Variants in KCNIP1 observed in about 807,000 individuals in gnomAD.
KCNIP1 encodes the protein A-type potassium channel modulatory protein KCNIP1.
Under a neutral mutation model 33.0 loss-of-function variants are expected in KCNIP1, and 18 were observed. The observed-to-expected ratio is 0.55, with a 90% CI of 0.38 to 0.81. The LOEUF is 0.81. Among genes scored for constraint, KCNIP1 ranks in the 30% least tolerant of loss-of-function variants. The pLI is 0.00. For synonymous variants in KCNIP1, 93 were observed against 98.3 expected (o/e 0.95, Z 0.32); for missense variants, 238 against 271.6 (o/e 0.88, Z 0.87).
At chr5:170,460,111 A>T (rs1414461705) in intron 1 of KCNIP1, among the ~76,000 whole-genome samples, 2 of 152,170 alleles carry the variant, frequency 1.3e-5, no homozygotes, top group Non-Finnish European at 2.9e-5. Context: ...AAATTCCTGG[A>T]TAGATACAAC....
intron 1 of KCNIP1, among the ~76,000 whole-genome samples, chr5:170,609,839 A>C (rs953196073): frequency 1.1e-4 from 16 of 152,228 alleles, no homozygotes; most frequent in South Asian, 6.2e-4. Flanking sequence ...CCTGGATGAC[A>C]GAACAAGATC....
intron 1 of KCNIP1, among the ~76,000 whole-genome samples, chr5:170,552,539 G>T (rs1271693531): frequency 6.6e-6 from 1 of 152,192 alleles, no homozygotes; most frequent in Non-Finnish European, 1.5e-5. Context: ...GGTGGCGTTT[G>T]TGTTCGGGCT....
intron 1 of KCNIP1, chr5:170,378,903 T>C: frequency 6.2e-7 from 1 of 1,614,210 alleles, no homozygotes; most frequent in South Asian, 1.1e-5. Context: ...CTCTTGGAAT[T>C]TGGCTCTGAC....
chr5:170,677,621 A>G (rs1385416179), intron 1 of KCNIP1, among the ~76,000 whole-genome samples: 1 of 152,164 alleles, frequency 6.6e-6, no homozygotes, highest in African/African-American at 2.4e-5. Context: ...GACCATGGCC[A>G]GTATTCATTT....
chr5:170,688,391 T>C (rs1762612744), intron 1 of KCNIP1, among the ~76,000 whole-genome samples: 1 of 152,202 alleles, frequency 6.6e-6, no homozygotes, highest in Non-Finnish European at 1.5e-5. Context: ...TTTTGGTACA[T>C]TTAGGTTGTT....
intron 1 of KCNIP1, among the ~76,000 whole-genome samples, chr5:170,555,583 G>T (rs961786892): frequency 1.3e-5 from 2 of 152,064 alleles, no homozygotes; most frequent in African/African-American, 4.8e-5. Flanking sequence ...TGTGGCTCAG[G>T]GAGAGCACAC....
intron 1 of KCNIP1, among the ~76,000 whole-genome samples, chr5:170,686,911 C>T (rs1213007407): frequency 1.3e-5 from 2 of 152,130 alleles, no homozygotes; most frequent in Non-Finnish European, 2.9e-5. Context: ...CTCCTCTCTA[C>T]CTTGCCCTGC....
At chr5:170,481,290 A>G (rs1267344362) in intron 1 of KCNIP1, among the ~76,000 whole-genome samples, 4 of 152,168 alleles carry the variant, frequency 2.6e-5, no homozygotes, top group African/African-American at 9.7e-5. Flanking sequence ...ACTCAGGACA[A>G]CCCTTCCAAA....
At chr5:170,506,678 G>A (rs944294224) in intron 1 of KCNIP1, among the ~76,000 whole-genome samples, 1 of 152,196 alleles carries the variant, frequency 6.6e-6, no homozygotes, top group Non-Finnish European at 1.5e-5. Context: ...ATAATGCTCG[G>A]TGTTTTATCA....
chr5:170,503,544 G>C (rs1463565801), upstream of KCNIP1, among the ~76,000 whole-genome samples: 2 of 152,028 alleles, frequency 1.3e-5, no homozygotes, highest in East Asian at 1.9e-4. Flanking sequence ...GGAGCAGGAC[G>C]GCACCTTCTT....
chr5:170,693,372 G>T (rs1001110240), intron 1 of KCNIP1, among the ~76,000 whole-genome samples: 1 of 152,202 alleles, frequency 6.6e-6, no homozygotes, highest in African/African-American at 2.4e-5. Context: ...AGATGGGAGG[G>T]AAATGAAATA....
intron 1 of KCNIP1, among the ~76,000 whole-genome samples, chr5:170,600,262 G>C (rs1370535623): frequency 6.6e-6 from 1 of 152,156 alleles, no homozygotes; most frequent in East Asian, 1.9e-4. Context: ...CTCACCTTAA[G>C]TTTCTCACCA....
At chr5:170,732,177 C>T (rs1177647138) in intron 5 of KCNIP1, among the ~76,000 whole-genome samples, 1 of 152,232 alleles carries the variant, frequency 6.6e-6, no homozygotes, top group East Asian at 1.9e-4. Context: ...CCAGGTCAAA[C>T]ATCCCAAATG....
intron 1 of KCNIP1, among the ~76,000 whole-genome samples, chr5:170,669,161 A>G (rs1432121434): frequency 6.6e-6 from 1 of 152,226 alleles, no homozygotes; most frequent in Admixed American, 6.5e-5. Context: ...GGTGATCTCT[A>G]TTGAATGAAC....
At chr5:170,447,199 G>C (rs1451767362) in intron 1 of KCNIP1, among the ~76,000 whole-genome samples, 3 of 152,162 alleles carry the variant, frequency 2.0e-5, no homozygotes, top group African/African-American at 4.8e-5. Context: ...AGCTCCTACT[G>C]CAAGAGAGAG....
intron 1 of KCNIP1, among the ~76,000 whole-genome samples, chr5:170,462,749 G>A (rs901091324): frequency 7.9e-5 from 12 of 152,064 alleles, no homozygotes; most frequent in Admixed American, 3.3e-4. Context: ...ATAAAGCAAC[G>A]AGTGGATATA....
intron 1 of KCNIP1, among the ~76,000 whole-genome samples, chr5:170,429,477 G>A: frequency 6.6e-6 from 1 of 151,966 alleles, no homozygotes; most frequent in East Asian, 1.9e-4. Context: ...AATTCTTGTT[G>A]TACAAATTTA....
At chr5:170,621,170 T>A (rs930792796) in intron 1 of KCNIP1, among the ~76,000 whole-genome samples, 1 of 152,330 alleles carries the variant, frequency 6.6e-6, no homozygotes, top group Middle Eastern at 3.4e-3. Flanking sequence ...AAAATGGGGA[T>A]ACTAAGGGTC....
At chr5:170,492,091 T>C (rs1404635580) in intron 1 of KCNIP1, among the ~76,000 whole-genome samples, 2 of 152,214 alleles carry the variant, frequency 1.3e-5, no homozygotes, top group African/African-American at 2.4e-5. Flanking sequence ...TATCCAGAGT[T>C]AGCAGAGGCC....
Sources: allele counts gnomAD v4.1 joint callset (sites outside exome capture counted in the v4.1 genomes callset), GRCh38; gene constraint gnomAD v4.1.1; transcripts MANE v1.5; gene names NCBI Gene and HGNC (gene_info 2026-07-23, HGNC 2026-07-21).